Variants in ZNF567 observed in about 807,000 individuals in gnomAD.
ZNF567 encodes zinc finger protein 567.
In ZNF567, 36 loss-of-function variants were observed where a neutral mutation model predicts 53.9. The ratio of observed to expected loss-of-function variants is 0.67; its 90% CI spans 0.51 to 0.88. ZNF567 has a LOEUF of 0.88. ZNF567 is among the 40% of genes least tolerant of loss of function. The pLI is 0.00. For missense variants in ZNF567, 619 were observed against 764.7 expected (o/e 0.81, Z 2.25); for synonymous variants, 224 against 260.4 (o/e 0.86, Z 1.35).
chr19:36,714,265 G>T, intron 5 of ZNF567: 1 of 309,688 alleles, frequency 3.2e-6, no homozygotes, highest in Non-Finnish European at 5.9e-6. Context: ...AGGTTCAAAT[G>T]ATTCTCCTGC....
downstream of ZNF567, among the ~76,000 whole-genome samples, chr19:36,723,955 G>A (rs1305095097): frequency 6.8e-6 from 1 of 147,754 alleles, no homozygotes; most frequent in Non-Finnish European, 1.5e-5. Flanking sequence ...AAACTGATGA[G>A]TTTCTTATGA....
downstream of ZNF567, chr19:36,723,051 T>C (rs374710719): frequency 3.3e-6 from 2 of 605,416 alleles, no homozygotes; most frequent in Middle Eastern, 3.3e-4. Flanking sequence ...ATAGGACTTA[T>C]AATCAGAACT....
downstream of ZNF567, chr19:36,721,457 A>C (rs1228688923): frequency 2.0e-5 from 3 of 152,164 alleles, no homozygotes; most frequent in Non-Finnish European, 4.4e-5. Flanking sequence ...TTTCTACTAA[A>C]AAGAAACCTT....
At chr19:36,723,325 AAAAAT>A (rs1402620407), downstream of ZNF567, 15 of 693,016 alleles carry the variant, frequency 2.2e-5, no homozygotes, top group Non-Finnish European at 4.0e-5. Context: ...GGCTACCACA[AAAAAT>A]AAAAAGTATC....
At chr19:36,704,563 A>G (rs1414711349) in intron 3 of ZNF567, among the ~76,000 whole-genome samples, 3 of 152,070 alleles carry the variant, frequency 2.0e-5, no homozygotes, top group African/African-American at 7.2e-5. Context: ...GATAAACTCC[A>G]CTTGGTCATG....
chr19:36,700,446 T>G (rs1418990304), intron 3 of ZNF567, among the ~76,000 whole-genome samples: 1 of 151,212 alleles, frequency 6.6e-6, no homozygotes, highest in African/African-American at 2.4e-5. Context: ...ATAAAATGAG[T>G]TAGGGAGGAT....
At chr19:36,711,502 T>C (rs2039787582) in intron 3 of ZNF567, 1 of 152,250 alleles carries the variant, frequency 6.6e-6, no homozygotes, top group Non-Finnish European at 1.5e-5. Flanking sequence ...TCCGCCTGCT[T>C]TGGTTGCTTT....
At chr19:36,685,709 A>T (rs1273663136), upstream of ZNF567, 1 of 152,246 alleles carries the variant, frequency 6.6e-6, no homozygotes, top group Non-Finnish European at 1.5e-5. Flanking sequence ...GGTCATTTAA[A>T]AAGTCTAGAA....
At chr19:36,703,348 C>A (rs2039312971) in intron 3 of ZNF567, among the ~76,000 whole-genome samples, 1 of 151,732 alleles carries the variant, frequency 6.6e-6, no homozygotes, top group Non-Finnish European at 1.5e-5. Context: ...GGGGGGGGTG[C>A]CTCCCAGTTA....
downstream of ZNF567, among the ~76,000 whole-genome samples, chr19:36,725,942 A>C (rs1340774222): frequency 1.3e-5 from 2 of 149,694 alleles, no homozygotes. Context: ...CTTGTGTTAC[A>C]TTCTCACAGT....
intron 5 of ZNF567, among the ~76,000 whole-genome samples, chr19:36,716,052 T>C (rs1289702636): frequency 2.0e-5 from 3 of 152,242 alleles, no homozygotes; most frequent in Admixed American, 6.5e-5. Flanking sequence ...GTAAATTTTG[T>C]CTGGATTCAT....
downstream of ZNF567, among the ~76,000 whole-genome samples, chr19:36,723,873 G>C (rs2040323071): frequency 6.6e-6 from 1 of 151,930 alleles, no homozygotes; most frequent in Non-Finnish European, 1.5e-5. Context: ...ATTATTATTT[G>C]TATAATAATT....
chr19:36,719,979 A>C lies in ZNF567; in HGVS notation c.1255A>C (p.Lys419Gln), dbSNP rs1392092437. The change falls in exon 6 of 6, where the codon AAG becomes CAG. Residue 419 changes from lysine (K) to glutamine (Q), a missense_variant. Physicochemically the swap from Lys to Gln is moderately conservative, Grantham distance 53 (BLOSUM62 1). Coordinates refer to ENST00000682579, the MANE Select transcript of ZNF567 (RefSeq NM_001322917.1). ...ACATCAGAGAACTCATACAGGGGAAAAGCCCTATATTTGTAATGAATGTGG... is the reference window on the plus strand; with the variant it reads ...ACATCAGAGAACTCATACAGGGGAACAGCCCTATATTTGTAATGAATGTGG... ...TVHQRTHTGEKPYICNECGKS... is the reference protein window; with the variant it reads ...TVHQRTHTGEQPYICNECGKS... The C allele has an allele frequency of 6.2e-7, 1 of 1,614,060 alleles. No homozygotes were observed. Among genetic ancestry groups the C allele is most frequent in the Non-Finnish European group, 8.5e-7 (1 of 1,180,022 alleles).
intron 3 of ZNF567, among the ~76,000 whole-genome samples, chr19:36,699,163 A>G (rs1222810498): frequency 1.3e-5 from 2 of 152,180 alleles, no homozygotes; most frequent in South Asian, 4.1e-4. Context: ...TCCCAGCACC[A>G]TTTATTAAAT....
chr19:36,716,579 T>C (rs2040075749), intron 5 of ZNF567, among the ~76,000 whole-genome samples: 1 of 152,246 alleles, frequency 6.6e-6, no homozygotes, highest in Non-Finnish European at 1.5e-5. Context: ...TAAGGATTCT[T>C]TTCCTCAAAG....
chr19:36,707,570 A>T (rs1226467377), intron 3 of ZNF567, among the ~76,000 whole-genome samples: 1 of 151,562 alleles, frequency 6.6e-6, no homozygotes, highest in African/African-American at 2.4e-5. Context: ...TATGTTTATA[A>T]TCCTGTTTTG....
At chr19:36,679,398 G>A in the ZNF567 span, among the ~76,000 whole-genome samples, 36 of 152,190 alleles carry the variant, frequency 2.4e-4, 1 homozygote, top group South Asian at 6.4e-3. Flanking sequence ...ACACTGTTGC[G>A]AGCACTGTAA....
the ZNF567 span, among the ~76,000 whole-genome samples, chr19:36,677,300 A>G: frequency 6.6e-6 from 1 of 150,486 alleles, no homozygotes; most frequent in Non-Finnish European, 1.5e-5. Flanking sequence ...TCTACTAAAA[A>G]TACAAAAAAT....
rs115917568 is a variant in ZNF567, at chr19:36,709,599, G to A, written c.10-2787G>A. ...CCTGCCTCAGCCCCACAAAGTGCCC[G>A]GATTACAGAAGTAAGCCACCACGCC... is the stretch of plus-strand genomic sequence containing the variant. On this transcript the variant is annotated intron_variant, in intron 3 of 5. Coordinates refer to ENST00000682579, the MANE Select transcript of ZNF567 (RefSeq NM_001322917.1). 1.8e-3 allele frequency among the ~76,000 whole-genome samples: 261 copies of A among 148,522 alleles called. 1 individual carries two copies. Among genetic ancestry groups the A allele is most frequent in the African/African-American group, 6.1e-3 (245 of 40,378 alleles).
Sources: gnomAD v4.1 joint callset for allele counts (sites outside exome capture counted in the v4.1 genomes callset) on GRCh38, gnomAD v4.1.1 for gene constraint, MANE v1.5 for transcripts, NCBI Gene and HGNC (gene_info 2026-07-23, HGNC 2026-07-21) for gene names.